The following ACAD10 variants were observed in gnomAD, a reference collection of about 807,000 sequenced individuals.
ACAD10 encodes acyl-CoA dehydrogenase family member 10.
In ACAD10, 112 loss-of-function variants were observed where a neutral mutation model predicts 116.8. That is an observed-to-expected ratio of 0.96 (90% CI 0.82 to 1.12). The LOEUF is 1.12. Ranked by LOEUF, ACAD10 falls within the 50% of genes most tolerant of loss-of-function variation. The pLI, the probability that ACAD10 is intolerant of heterozygous loss-of-function variation, is 0.00. For missense variants in ACAD10, 1,259 were observed against 1,350.2 expected (o/e 0.93, Z 1.06); for synonymous variants, 486 against 510.6 (o/e 0.95, Z 0.65).
intron 8 of ACAD10, among the ~76,000 whole-genome samples, chr12:111,724,763 C>T (rs866399606): frequency 6.6e-6 from 1 of 151,284 alleles, no homozygotes; most frequent in African/African-American, 2.4e-5. Context: ...AGCTTCGGCT[C>T]GGCATGAGAG....
chr12:111,710,453 G>T, intron 5 of ACAD10: 1 of 274,192 alleles, frequency 3.6e-6, no homozygotes, highest in South Asian at 2.8e-5. Flanking sequence ...AGCAAACGTT[G>T]TAACATAATC....
Position 111,718,164 on chromosome 12 carries a change from C to T in ACAD10, c.992+2202C>T, listed in dbSNP as rs1888905011. 6.9e-5 allele frequency among the ~76,000 whole-genome samples: 10 copies of T among 145,568 alleles called. No individual in the cohort carries two copies. The South Asian group carries it at 2.2e-3, about 33-fold the overall frequency. The stretch of plus-strand genomic sequence containing the variant: ...TCCCAGGTCCAAGTGATTCTCCTGC[C>T]TTAGCCTCCCAAGTAACAGGGATTA... On this transcript the variant is annotated intron_variant, in intron 7 of 20. Transcript: ENST00000313698.
intron 7 of ACAD10, among the ~76,000 whole-genome samples, chr12:111,720,930 C>T (rs147545702): frequency 0.016 from 2,354 of 151,780 alleles, 72 homozygotes; most frequent in African/African-American, 0.054. Flanking sequence ...ATTACAGGCA[C>T]GCGCCACCAT....
intron 4 of ACAD10, among the ~76,000 whole-genome samples, chr12:111,708,004 A>C (rs544311270): frequency 2.0e-5 from 3 of 152,230 alleles, no homozygotes; most frequent in Non-Finnish European, 4.4e-5. Flanking sequence ...GATTCTGTCC[A>C]TGCTTTTCTC....
intron 19 of ACAD10, among the ~76,000 whole-genome samples, chr12:111,754,180 T>G (rs1210174440): frequency 6.6e-6 from 1 of 152,106 alleles, no homozygotes; most frequent in African/African-American, 2.4e-5. Context: ...CCAGGGCCAT[T>G]GGTGGAGGTG....
At chr12:111,725,586 G>A (rs1041786830) in intron 8 of ACAD10, among the ~76,000 whole-genome samples, 1 of 151,516 alleles carries the variant, frequency 6.6e-6, no homozygotes. Context: ...CCAGGCTGGA[G>A]CGAAATGGCG....
intron 2 of ACAD10, among the ~76,000 whole-genome samples, chr12:111,697,271 A>T (rs1381498916): frequency 6.6e-6 from 1 of 151,932 alleles, no homozygotes; most frequent in Non-Finnish European, 1.5e-5. Flanking sequence ...TTCAGAGGGT[A>T]TAATGATTTC....
chr12:111,701,252 G>C (rs1391001616), intron 2 of ACAD10, among the ~76,000 whole-genome samples: 1 of 152,124 alleles, frequency 6.6e-6, no homozygotes, highest in African/African-American at 2.4e-5. Context: ...CTGTATTATA[G>C]ACAGAAAAAG....
At chr12:111,752,316 C>G (rs1026987838) in intron 18 of ACAD10, among the ~76,000 whole-genome samples, 1 of 151,600 alleles carries the variant, frequency 6.6e-6, no homozygotes, top group African/African-American at 2.4e-5. Context: ...TTGTTTTAAG[C>G]AGGCTGGCCG....
Position 111,756,429 on chromosome 12 carries a change from C to T in ACAD10, c.3136C>T (p.His1046Tyr), listed in dbSNP as rs1380092816. 1.5e-5 allele frequency: 24 copies of T among 1,612,512 alleles called. No individual in the cohort carries two copies. The highest frequency in any genetic ancestry group is 1.9e-5 in the Non-Finnish European group (22 of 1,179,828). Residue 1046 changes from histidine (H) to tyrosine (Y), a missense_variant, in exon 21 of 21, where the codon CAC becomes TAC. Coordinates refer to ENST00000313698, the MANE Select transcript of ACAD10 (RefSeq NM_025247.6). ...CTTTGCCGACGGCCCTGACGAGGTG[C>T]ACCGGGCCACGGTGGCCAAGCTAGA... The part of the protein sequence containing the change: ...LRFADGPDEV[H>Y]RATVAKLELK...
rs116960333 is a variant in ACAD10, at chr12:111,730,267, G to A, written c.1394+311G>A. ...CAAAAATCTTCGCAGACCTGGTCCA[G>A]TGTTCCCAGGGAGGGCAGCATTCCT... On this transcript the variant is annotated intron_variant, in intron 10 of 20. Coordinates refer to ENST00000313698, the MANE Select transcript of ACAD10 (RefSeq NM_025247.6). 3.9e-5 allele frequency among the ~76,000 whole-genome samples: 6 copies of A among 152,300 alleles called. No individual in the cohort carries two copies. In the East Asian group the frequency reaches 9.6e-4, roughly 24 times the overall value.
At chr12:111,715,685 G>A (rs953863965) in intron 6 of ACAD10, 136 bp from the exon 7 acceptor site, 7 of 1,180,364 alleles carry the variant, frequency 5.9e-6, no homozygotes, top group African/African-American at 3.1e-5. Flanking sequence ...AGGCAGAGAA[G>A]AGGTACTTTT....
Position 111,747,344 on chromosome 12 carries a change from A to G in ACAD10, c.2444A>G (p.Asp815Gly). ...TNIEASIREE[D>G]SFYVINGHKW... ...ATTGAGGCTTCCATCAGAGAGGAGG[A>G]CAGCTTCTATGTCATAAACGGTCAC... Residue 815 changes from aspartate (D) to glycine (G), a missense_variant, in exon 16 of 21, where the codon GAC (aspartate) becomes GGC (glycine). Asp to Gly is a moderately conservative substitution (Grantham distance 94, BLOSUM62 -1). Transcript: ENST00000313698. 6.2e-7 allele frequency: 1 copy of G among 1,614,112 alleles called. No individual in the cohort carries two copies. Among genetic ancestry groups the G allele is most frequent in the Non-Finnish European group, 8.5e-7 (1 of 1,180,024 alleles).
chr12:111,728,228 TGA>T (rs1397463488), intron 9 of ACAD10, 85 bp downstream of exon 9: 2 of 1,390,568 alleles, frequency 1.4e-6, no homozygotes, highest in Non-Finnish European at 2.0e-6. Context: ...TGGGTCGTTT[TGA>T]GTATTAGCAC....
chr12:111,739,935 G>A (rs946035322), intron 12 of ACAD10, among the ~76,000 whole-genome samples: 1 of 152,102 alleles, frequency 6.6e-6, no homozygotes, highest in South Asian at 2.1e-4. Context: ...AACAGTTAAC[G>A]ATTTTTTAAG....
intron 18 of ACAD10, among the ~76,000 whole-genome samples, chr12:111,749,957 T>C (rs1348236393): frequency 6.6e-6 from 1 of 151,276 alleles, no homozygotes; most frequent in Non-Finnish European, 1.5e-5. Flanking sequence ...GTATTTTTAG[T>C]AGAGACAGGG....
intron 2 of ACAD10, among the ~76,000 whole-genome samples, chr12:111,694,662 A>T (rs1888144682): frequency 6.6e-6 from 1 of 152,010 alleles, no homozygotes; most frequent in Non-Finnish European, 1.5e-5. Context: ...CAGCCTCCTA[A>T]CTTCCTCTGC....
At chr12:111,709,470 C>T (rs1888606313) in intron 4 of ACAD10, 56 bp from the exon 5 acceptor site, 1 of 1,432,818 alleles carries the variant, frequency 7.0e-7, no homozygotes, top group Non-Finnish European at 9.3e-7. Context: ...TACCAGCATG[C>T]ATGTGGGAGC....
At chr12:111,700,093 G>T (rs1378139976) in intron 2 of ACAD10, among the ~76,000 whole-genome samples, 1 of 151,884 alleles carries the variant, frequency 6.6e-6, no homozygotes, top group Non-Finnish European at 1.5e-5. Context: ...GCTGGTGTGT[G>T]CCTGTAGTTC....
Sources: gnomAD v4.1 joint callset for allele counts (sites outside exome capture counted in the v4.1 genomes callset) on GRCh38, gnomAD v4.1.1 for gene constraint, MANE v1.5 for transcripts, NCBI Gene and HGNC (gene_info 2026-07-23, HGNC 2026-07-21) for gene names.